Variants in RBPJ observed in about 807,000 individuals in gnomAD.
RBPJ encodes recombination signal binding protein for immunoglobulin kappa J region.
Under a neutral mutation model 67.8 loss-of-function variants are expected in RBPJ, and 9 were observed. The ratio of observed to expected loss-of-function variants is 0.13; its 90% CI spans 0.08 to 0.23. The LOEUF (loss-of-function observed/expected upper bound fraction) is 0.23, where lower values mean the gene tolerates loss of function less well. Among genes scored for constraint, RBPJ ranks in the 10% least tolerant of loss-of-function variants. The pLI is 1.00. For synonymous variants in RBPJ, 198 were observed against 203.3 expected (o/e 0.97, Z 0.22); for missense variants, 305 against 595.6 (o/e 0.51, Z 5.08).
chr4:26,283,836 G>C (rs1225954417), intron 1 of RBPJ, among the ~76,000 whole-genome samples: 1 of 152,026 alleles, frequency 6.6e-6, no homozygotes, highest in Admixed American at 6.6e-5. Context: ...AGTAGAGACA[G>C]AGTTTCACAA....
intron 1 of RBPJ, among the ~76,000 whole-genome samples, chr4:26,194,241 A>C (rs1717672037): frequency 6.6e-6 from 1 of 152,024 alleles, no homozygotes; most frequent in Non-Finnish European, 1.5e-5. Flanking sequence ...GACCTTTCCC[A>C]TTGGATAGTT....
chr4:26,341,561 C>A (rs376268108), intron 1 of RBPJ, among the ~76,000 whole-genome samples: 1 of 152,110 alleles, frequency 6.6e-6, no homozygotes, highest in African/African-American at 2.4e-5. Flanking sequence ...TTGCAGTGAG[C>A]CGAGATTGCA....
the RBPJ span, among the ~76,000 whole-genome samples, chr4:26,119,617 C>T: frequency 2.9e-3 from 438 of 152,268 alleles, 8 homozygotes; most frequent in Non-Finnish European, 9.9e-4. Context: ...CCCATCCTTC[C>T]GTGTTCAATT....
chr4:26,300,251 G>A (rs1477192867), intron 1 of RBPJ, among the ~76,000 whole-genome samples: 1 of 151,890 alleles, frequency 6.6e-6, no homozygotes, highest in African/African-American at 2.4e-5. Flanking sequence ...ATGGGCAGGG[G>A]TGGGGGTGGG....
chr4:26,305,198 G>A (rs1218492847), intron 1 of RBPJ, among the ~76,000 whole-genome samples: 2 of 152,208 alleles, frequency 1.3e-5, no homozygotes, highest in African/African-American at 4.8e-5. Context: ...TGATCTGTAA[G>A]TCTGTCCTTA....
intron 1 of RBPJ, among the ~76,000 whole-genome samples, chr4:26,188,636 T>G (rs906193225): frequency 5.3e-5 from 8 of 152,236 alleles, no homozygotes; most frequent in African/African-American, 1.9e-4. Context: ...TTGGAGCTGC[T>G]GATTTGGCTT....
At chr4:26,313,282 A>G (rs1174027748) in intron 1 of RBPJ, among the ~76,000 whole-genome samples, 1 of 152,168 alleles carries the variant, frequency 6.6e-6, no homozygotes, top group East Asian at 1.9e-4. Flanking sequence ...CTGTACTCCT[A>G]GCACTTTGGG....
intron 1 of RBPJ, among the ~76,000 whole-genome samples, chr4:26,235,537 A>G (rs1410355704): frequency 6.6e-6 from 1 of 152,194 alleles, no homozygotes; most frequent in Non-Finnish European, 1.5e-5. Context: ...CATGCTTTAT[A>G]CCATGATCAT....
At chr4:26,356,696 T>A (rs1727415993) in intron 1 of RBPJ, among the ~76,000 whole-genome samples, 1 of 152,208 alleles carries the variant, frequency 6.6e-6, no homozygotes, top group South Asian at 2.1e-4. Flanking sequence ...TGTAACAATA[T>A]ATTTAGCCAG....
the RBPJ span, among the ~76,000 whole-genome samples, chr4:26,116,039 T>C: frequency 5.3e-5 from 8 of 152,210 alleles, no homozygotes; most frequent in Admixed American, 2.0e-4. Context: ...ATACCAAAGT[T>C]AGCATTTAGT....
At chr4:26,113,155 G>T in the RBPJ span, 4 of 226,764 alleles carry the variant, frequency 1.8e-5, no homozygotes, top group South Asian at 3.0e-4. Context: ...GATTCCCCAT[G>T]AATATAAATT....
At chr4:26,181,746 G>A (rs1717005234) in intron 1 of RBPJ, among the ~76,000 whole-genome samples, 1 of 152,148 alleles carries the variant, frequency 6.6e-6, no homozygotes, top group Non-Finnish European at 1.5e-5. Context: ...GGAAGCATTT[G>A]TGTATCTAAA....
At chr4:26,316,490 T>TATATATATTC (rs202094534), upstream of RBPJ, among the ~76,000 whole-genome samples, 367 of 73,630 alleles carry the variant, frequency 5.0e-3, 4 homozygotes, top group African/African-American at 0.014. Flanking sequence ...TACATATTCA[T>TATATATATTC]ATATATATTC....
At chr4:26,253,820 CTTT>C (rs1720201063) in intron 1 of RBPJ, among the ~76,000 whole-genome samples, 1 of 148,642 alleles carries the variant, frequency 6.7e-6, no homozygotes, top group South Asian at 2.1e-4. Flanking sequence ...CTGGTATCTT[CTTT>C]GTTTTCTTGT....
intron 1 of RBPJ, among the ~76,000 whole-genome samples, chr4:26,205,868 C>T (rs1718150299): frequency 6.6e-6 from 1 of 151,588 alleles, no homozygotes; most frequent in South Asian, 2.1e-4. Flanking sequence ...GCTGGGATTA[C>T]AGACATGAGC....
At chr4:26,114,475 G>GTATATATATA in the RBPJ span, among the ~76,000 whole-genome samples, 1 of 89,158 alleles carries the variant, frequency 1.1e-5, no homozygotes, top group Non-Finnish European at 2.3e-5. Context: ...AAAAAAGAAT[G>GTATATATATA]TACATATATA....
chr4:26,403,290 C>T (rs1399438872), intron 2 of RBPJ, among the ~76,000 whole-genome samples: 1 of 151,072 alleles, frequency 6.6e-6, no homozygotes, highest in Non-Finnish European at 1.5e-5. Context: ...TTACTACACG[C>T]TACCACTTTT....
chr4:26,342,265 CAAA>C (rs60781954), intron 1 of RBPJ, among the ~76,000 whole-genome samples: 3,567 of 114,092 alleles, frequency 0.031, 121 homozygotes, highest in African/African-American at 0.1. Flanking sequence ...CCTGGGTTAT[CAAA>C]AAAAAAAAAA....
At chr4:26,383,747 A>C (rs1730545323) in intron 1 of RBPJ, 1 of 152,156 alleles carries the variant, frequency 6.6e-6, no homozygotes, top group Non-Finnish European at 1.5e-5. Context: ...AAAGATTCAG[A>C]TTTTTGCATT....
Sources: allele counts gnomAD v4.1 joint callset (sites outside exome capture counted in the v4.1 genomes callset), GRCh38; gene constraint gnomAD v4.1.1; transcripts MANE v1.5; gene names NCBI Gene and HGNC (gene_info 2026-07-23, HGNC 2026-07-21).